Variants in NCOA2 observed in about 807,000 individuals in gnomAD.
The protein encoded by NCOA2 is class E basic helix-loop-helix protein 75.
A neutral mutation model predicts 145.1 loss-of-function variants in NCOA2; 21 were observed. The observed-to-expected ratio is 0.14, with a 90% CI of 0.10 to 0.21. The LOEUF (loss-of-function observed/expected upper bound fraction) is 0.21, where lower values mean the gene tolerates loss of function less well. NCOA2 is among the 10% of genes least tolerant of loss of function. The pLI, the probability that NCOA2 is intolerant of heterozygous loss-of-function variation, is 1.00. For synonymous variants in NCOA2, 619 were observed against 637.5 expected, an observed-to-expected ratio of 0.97 and a Z score of 0.44; for missense variants, 1,472 against 1,837.6, an observed-to-expected ratio of 0.80 and a Z score of 3.64.
intron 1 of NCOA2, among the ~76,000 whole-genome samples, chr8:70,339,787 A>T (rs1439406889): frequency 6.6e-6 from 1 of 152,180 alleles, no homozygotes; most frequent in East Asian, 1.9e-4. Flanking sequence ...TAACTGTTGC[A>T]CACCTACAAC....
chr8:70,435,252 C>T, the NCOA2 span, among the ~76,000 whole-genome samples: 3 of 149,996 alleles, frequency 2.0e-5, no homozygotes, highest in African/African-American at 7.4e-5. Flanking sequence ...GGTGAAACCC[C>T]GTCTCTACTA....
At chr8:70,272,855 T>C (rs991541015) in intron 2 of NCOA2, among the ~76,000 whole-genome samples, 1 of 151,236 alleles carries the variant, frequency 6.6e-6, no homozygotes, top group African/African-American at 2.4e-5. Flanking sequence ...TAAACACTTA[T>C]AAAGTAATAA....
chr8:70,412,341 T>C, the NCOA2 span, among the ~76,000 whole-genome samples: 1 of 151,200 alleles, frequency 6.6e-6, no homozygotes, highest in African/African-American at 2.4e-5. Flanking sequence ...TAGTTCCCAA[T>C]AAAGTCTATT....
rs559680322 is a variant in NCOA2 at position 70,321,793 on chromosome 8, C to CTTTTTTT, written c.-76-25000_-76-24994dup. ...TGCTTTCCTAAGTTTCAGAATATACCTTTTTTTTTTTTTTTTTTTTTTTTT... is the reference window on the plus strand; with the variant it reads ...TGCTTTCCTAAGTTTCAGAATATACCTTTTTTTTTTTTTTTTTTTTTTTTTTTTTTTT... On this transcript the variant is annotated intron_variant, in intron 1 of 22. Coordinates refer to ENST00000452400, the MANE Select transcript of NCOA2 (RefSeq NM_006540.4). Among the ~76,000 whole-genome samples, 321 of 73,558 alleles carry CTTTTTTT rather than the reference C, an allele frequency of 4.4e-3. 40 individuals are homozygous for CTTTTTTT. Among genetic ancestry groups the CTTTTTTT allele is most frequent in the African/African-American group, 0.018 (282 of 15,896 alleles). The allele number at this position is 73,558 out of a possible 152,430, so 48.3% of individuals were successfully genotyped here.
intron 2 of NCOA2, among the ~76,000 whole-genome samples, chr8:70,275,277 A>G (rs751490402): frequency 1.3e-4 from 20 of 152,216 alleles, no homozygotes; most frequent in Non-Finnish European, 2.1e-4. Context: ...TCATCACCAT[A>G]AATTCAGTAG....
rs188656693 is a variant in NCOA2 at position 70,121,496 on chromosome 8, A to G, written c.4294-105T>C. ...TTCCTCTGTTTTTAGGGGTGTAAAA[A>G]CGGGGAAAAGGAACTGCAGAACAAT... is the stretch of plus-strand genomic sequence containing the variant. On this transcript the variant is annotated intron_variant, in intron 21 of 22. Coordinates refer to ENST00000452400, the MANE Select transcript of NCOA2 (RefSeq NM_006540.4). 32 of 821,150 alleles carry G rather than the reference A, an allele frequency of 3.9e-5. 1 individual carries two copies. In the Middle Eastern group the frequency reaches 9.3e-4, roughly 24 times the overall value. The allele number at this position is 821,150 out of a possible 1,614,324, so 50.9% of individuals were successfully genotyped here.
intron 2 of NCOA2, among the ~76,000 whole-genome samples, chr8:70,270,699 C>T (rs1347547549): frequency 1.3e-5 from 2 of 152,144 alleles, no homozygotes. Flanking sequence ...TACCTTGGTT[C>T]CCTATCCCTT....
intron 1 of NCOA2, among the ~76,000 whole-genome samples, chr8:70,346,675 C>T (rs1425437447): frequency 5.3e-5 from 8 of 152,150 alleles, no homozygotes; most frequent in African/African-American, 1.7e-4. Context: ...CTAGTGCCTA[C>T]CTCATATTAC....
intron 21 of NCOA2, among the ~76,000 whole-genome samples, chr8:70,123,215 T>A (rs1464955366): frequency 7.9e-5 from 12 of 152,240 alleles, no homozygotes; most frequent in African/African-American, 2.9e-4. Context: ...GCCTTCACGT[T>A]CCAAAGTAAA....
intron 4 of NCOA2, among the ~76,000 whole-genome samples, chr8:70,204,158 C>T (rs1441507382): frequency 6.6e-6 from 1 of 152,072 alleles, no homozygotes; most frequent in Non-Finnish European, 1.5e-5. Flanking sequence ...CAGGCGTGTG[C>T]CACCATGCCA....
intron 4 of NCOA2, among the ~76,000 whole-genome samples, chr8:70,204,279 A>G (rs1818219353): frequency 6.6e-6 from 1 of 152,186 alleles, no homozygotes; most frequent in South Asian, 2.1e-4. Flanking sequence ...AAGTGCTGGG[A>G]TTACAGGCAT....
At chr8:70,164,409 TTC>T (rs1465385434) in intron 7 of NCOA2, among the ~76,000 whole-genome samples, 2 of 152,218 alleles carry the variant, frequency 1.3e-5, no homozygotes, top group Non-Finnish European at 2.9e-5. Context: ...TATCACTGAT[TTC>T]TGATTGTTTA....
At chr8:70,167,733 T>C (rs564019761) in intron 6 of NCOA2, among the ~76,000 whole-genome samples, 22 of 152,320 alleles carry the variant, frequency 1.4e-4, no homozygotes, top group African/African-American at 5.1e-4. Context: ...AAAAAAAGTA[T>C]ATATTTAAGA....
chr8:70,391,335 G>A (rs1280428736), intron 1 of NCOA2, among the ~76,000 whole-genome samples: 6 of 152,136 alleles, frequency 3.9e-5, no homozygotes, highest in Non-Finnish European at 8.8e-5. Flanking sequence ...TCCTTAATCT[G>A]AGCCTAAAAC....
chr8:70,177,830 C>T (rs991855535), intron 4 of NCOA2, among the ~76,000 whole-genome samples: 4 of 152,176 alleles, frequency 2.6e-5, no homozygotes, highest in Non-Finnish European at 5.9e-5. Flanking sequence ...TATCGCTGAT[C>T]ACTAGAAAAC....
At chr8:70,142,675 G>T (rs1344277585) in intron 13 of NCOA2, among the ~76,000 whole-genome samples, 2 of 150,760 alleles carry the variant, frequency 1.3e-5, no homozygotes, top group Non-Finnish European at 2.9e-5. Context: ...CTCCAGCCTG[G>T]GTGACAAAGT....
At chr8:70,250,962 AATAGTAAG>A (rs1823119085) in intron 2 of NCOA2, among the ~76,000 whole-genome samples, 1 of 152,216 alleles carries the variant, frequency 6.6e-6, no homozygotes, top group Non-Finnish European at 1.5e-5. Flanking sequence ...ACATTTCATA[AATAGTAAG>A]ATAGTAAGGG....
At chr8:70,442,112 GAAAGAAGA>G in the NCOA2 span, among the ~76,000 whole-genome samples, 1 of 101,942 alleles carries the variant, frequency 9.8e-6, no homozygotes, top group Non-Finnish European at 2.1e-5. Flanking sequence ...AACAGAGAAA[GAAAGAAGA>G]AAGAAAGAAA....
intron 4 of NCOA2, among the ~76,000 whole-genome samples, chr8:70,206,918 C>T (rs1818497960): frequency 6.6e-6 from 1 of 152,150 alleles, no homozygotes; most frequent in Non-Finnish European, 1.5e-5. Flanking sequence ...TTGTCCTCCT[C>T]GAAGCCTGTG....
Sources: gnomAD v4.1 joint callset for allele counts (sites outside exome capture counted in the v4.1 genomes callset) on GRCh38, gnomAD v4.1.1 for gene constraint, MANE v1.5 for transcripts, NCBI Gene and HGNC (gene_info 2026-07-23, HGNC 2026-07-21) for gene names.